CLIP1: variants seen among roughly 807,000 people sequenced by gnomAD.
CLIP1 encodes the protein CAP-Gly domain-containing linker protein 1.
A neutral mutation model predicts 161.6 loss-of-function variants in CLIP1; 66 were observed. That is an observed-to-expected ratio of 0.41 (90% CI 0.33 to 0.50). The LOEUF (loss-of-function observed/expected upper bound fraction) is 0.50, where lower values mean the gene tolerates loss of function less well. CLIP1 is among the 20% of genes least tolerant of loss of function. The pLI, the probability that CLIP1 is intolerant of heterozygous loss-of-function variation, is 0.27. For missense variants in CLIP1, 1,376 were observed against 1,702.0 expected (o/e 0.81, Z 3.37); for synonymous variants, 598 against 626.2 (o/e 0.96, Z 0.67).
chr12:122,274,207 TAAGCTGGAGCATC>T lies in CLIP1; in HGVS notation c.3967-58_3967-46del, dbSNP rs764143119. The T allele has an allele frequency of 2.6e-6, 4 of 1,520,314 alleles. No individual in the cohort carries two copies. In the Admixed American group the frequency reaches 6.7e-5, roughly 26 times the overall value. The allele number at this position is 1,520,314 out of a possible 1,614,324, so 94.2% of individuals were successfully genotyped here. ...ATGTGTAAAATGTCAAGAATATATA[TAAGCTGGAGCATC>T]AAGAAGTCATGAAGTTTATACCTTT... On this transcript the variant is annotated intron_variant, in intron 24 of 25. Transcript: ENST00000620786.
At chr12:122,337,744 G>A (rs946553270) in intron 11 of CLIP1, among the ~76,000 whole-genome samples, 22 of 152,060 alleles carry the variant, frequency 1.4e-4, no homozygotes, top group Non-Finnish European at 2.9e-4. Flanking sequence ...GGCTGGTCAC[G>A]GTGGCTCACG....
chr12:122,326,497 T>C (rs1482709321), intron 17 of CLIP1, among the ~76,000 whole-genome samples: 2 of 152,148 alleles, frequency 1.3e-5, no homozygotes, highest in African/African-American at 2.4e-5. Context: ...CTGAGCAACA[T>C]AGCGAGACTC....
chr12:122,367,471 A>G (rs560192306), intron 3 of CLIP1, among the ~76,000 whole-genome samples: 25 of 152,346 alleles, frequency 1.6e-4, no homozygotes, highest in East Asian at 3.9e-4. Context: ...AAAATCATCA[A>G]ATGTTTTTCT....
intron 20 of CLIP1, among the ~76,000 whole-genome samples, chr12:122,299,880 CACTCCAGCCTGGGCG>C (rs1162695526): frequency 1.3e-5 from 2 of 151,648 alleles, no homozygotes; most frequent in Non-Finnish European, 2.9e-5. Context: ...CGTGCCACTG[CACTCCAGCCTGGGCG>C]ACAGAGCAAG....
chr12:122,350,976 A>C, intron 9 of CLIP1, 135 bp downstream of exon 9: 1 of 585,504 alleles, frequency 1.7e-6, no homozygotes, highest in Non-Finnish European at 2.9e-6. Flanking sequence ...TGAAAGCCAC[A>C]TGCACAGAAA....
chr12:122,316,602 T>C, intron 19 of CLIP1, 147 bp downstream of exon 19: 1 of 533,196 alleles, frequency 1.9e-6, no homozygotes, highest in Non-Finnish European at 3.3e-6. Context: ...TCACGGTGGT[T>C]ACTGATGTTG....
At chr12:122,312,355 T>C (rs1951089226) in intron 19 of CLIP1, among the ~76,000 whole-genome samples, 1 of 152,160 alleles carries the variant, frequency 6.6e-6, no homozygotes, top group South Asian at 2.1e-4. Context: ...CTAACCGAAA[T>C]CAAGCAAGAG....
intron 17 of CLIP1, among the ~76,000 whole-genome samples, chr12:122,321,748 G>A (rs1951513865): frequency 6.6e-6 from 1 of 152,098 alleles, no homozygotes; most frequent in Non-Finnish European, 1.5e-5. Flanking sequence ...CGAACTCCTA[G>A]ACTGAAGCCA....
At chr12:122,375,030 T>C (rs570692203) in intron 3 of CLIP1, among the ~76,000 whole-genome samples, 1 of 152,220 alleles carries the variant, frequency 6.6e-6, no homozygotes, top group East Asian at 1.9e-4. Flanking sequence ...AAATATCAAA[T>C]ATAATCTAAA....
intron 5 of CLIP1, among the ~76,000 whole-genome samples, chr12:122,360,101 A>G (rs1953701098): frequency 1.3e-5 from 2 of 152,226 alleles, no homozygotes; most frequent in Non-Finnish European, 2.9e-5. Flanking sequence ...AGAGTAATCA[A>G]AACAGGCTTT....
chr12:122,273,221 G>T, intron 25 of CLIP1, 121 bp from the exon 26 acceptor site: 2 of 705,840 alleles, frequency 2.8e-6, no homozygotes, highest in East Asian at 2.7e-5. Flanking sequence ...TGAGCTTCCA[G>T]TATAAGTAGT....
chr12:122,321,045 A>T (rs1015838789), intron 17 of CLIP1, among the ~76,000 whole-genome samples: 4 of 151,338 alleles, frequency 2.6e-5, no homozygotes, highest in Admixed American at 1.3e-4. Flanking sequence ...TAAATAAATA[A>T]ATAAATAAAT....
At chr12:122,298,537 G>A (rs1248937057) in intron 20 of CLIP1, among the ~76,000 whole-genome samples, 1 of 150,090 alleles carries the variant, frequency 6.7e-6, no homozygotes, top group African/African-American at 2.5e-5. Flanking sequence ...CCATGAGGCA[G>A]AGGTTGCTGA....
At chr12:122,273,988 C>T in intron 25 of CLIP1, 50 bp downstream of exon 25, 2 of 1,579,666 alleles carry the variant, frequency 1.3e-6, no homozygotes, top group Non-Finnish European at 8.7e-7. Flanking sequence ...CCGCCTCGGC[C>T]TCCCAAAGTG....
At chr12:122,288,420 T>A in intron 21 of CLIP1, 69 bp downstream of exon 21, 1 of 1,356,390 alleles carries the variant, frequency 7.4e-7, no homozygotes, top group Non-Finnish European at 1.0e-6. Context: ...CTACTATAAG[T>A]TACCACACAT....
Position 122,272,657 on chromosome 12 carries a change from A to G in CLIP1, c.*218T>C. 2 of 534,376 alleles carry G rather than the reference A, an allele frequency of 3.7e-6. No homozygotes were observed. The highest frequency in any genetic ancestry group is 6.7e-6 in the Non-Finnish European group (2 of 298,880). The allele number at this position is 534,376 out of a possible 1,614,324, so 33.1% of individuals were successfully genotyped here. A position where few individuals can be genotyped will look rare whatever the true frequency, so the allele number is the denominator to read the frequency against. ...TTCAAACGTAAAAATCAAGAAAACA[A>G]AATTCGAGGTGAAAACTCACCTACT... On this transcript the variant is annotated 3_prime_UTR_variant, in exon 26 of 26. Coordinates refer to ENST00000620786, the MANE Select transcript of CLIP1 (RefSeq NM_001247997.2).
In CLIP1 at chr12:122,328,332, G is replaced by A; in HGVS notation, c.2962C>T (p.Gln988Ter). ...TTTTTAGCTGCTTCTTGCTGGCTCTGTTCAGCTTTGACAGTCATGTCCTCA... is the reference window on the plus strand; with the variant it reads ...TTTTTAGCTGCTTCTTGCTGGCTCTATTCAGCTTTGACAGTCATGTCCTCA... Reference protein sequence around the residue: ...SIEDMTVKAEQSQQEAAKKHE... With the variant: ...SIEDMTVKAE The change falls in exon 16 of 26, where the codon CAG becomes TAG. Residue 988 changes from glutamine to a stop codon, truncating the protein, a stop_gained. Coordinates refer to ENST00000620786, the MANE Select transcript of CLIP1 (RefSeq NM_001247997.2). LOFTEE classifies it high-confidence loss of function. 1 of 1,614,010 alleles carries A rather than the reference G, an allele frequency of 6.2e-7. No individual in the cohort carries two copies. The highest frequency in any genetic ancestry group is 8.5e-7 in the Non-Finnish European group (1 of 1,180,024).
At chr12:122,390,172 GAT>G (rs71082979) in intron 1 of CLIP1, among the ~76,000 whole-genome samples, 21,979 of 93,412 alleles carry the variant, frequency 0.24, 2,663 homozygotes, top group Admixed American at 0.32. Flanking sequence ...CACAGTCTCA[GAT>G]ATATATATAT....
intron 15 of CLIP1, among the ~76,000 whole-genome samples, chr12:122,330,607 T>TTTG (rs1276075746): frequency 1.4e-5 from 2 of 141,554 alleles, no homozygotes; most frequent in Non-Finnish European, 3.1e-5. Flanking sequence ...GTTTTTTTTT[T>TTTG]TTTTTTTTTT....
Sources: allele counts gnomAD v4.1 joint callset (sites outside exome capture counted in the v4.1 genomes callset), GRCh38; gene constraint gnomAD v4.1.1; transcripts MANE v1.5; gene names NCBI Gene and HGNC (gene_info 2026-07-23, HGNC 2026-07-21).